Variants in RNF182 observed in about 807,000 individuals in gnomAD.
RNF182 encodes E3 ubiquitin-protein ligase RNF182.
RNF182 carries 15 observed loss-of-function variants against 14.4 expected under a neutral mutation model. That is an observed-to-expected ratio of 1.04 (90% CI 0.70 to 1.60). RNF182 has a LOEUF of 1.60. RNF182 is among the 40% of genes most tolerant of loss of function. The probability of loss-of-function intolerance (pLI) is 0.00; values close to 1 mark genes in which losing one functional copy is unlikely to be tolerated. For missense variants in RNF182, 268 were observed against 294.8 expected (o/e 0.91, Z 0.67); for synonymous variants, 128 against 122.9 (o/e 1.04, Z -0.27).
At chr6:13,925,047 G>T (rs1236719692) in intron 1 of RNF182, 24 bp downstream of exon 1, 2 of 1,008 alleles carry the variant, frequency 2.0e-3, no homozygotes, top group Admixed American at 0.022. Flanking sequence ...GCCCGCGGCC[G>T]GGGAGGGGTC....
At chr6:13,960,126 A>G (rs924333731) in intron 1 of RNF182, among the ~76,000 whole-genome samples, 4 of 152,160 alleles carry the variant, frequency 2.6e-5, no homozygotes, top group Admixed American at 6.5e-5. Context: ...AGTCATTGGG[A>G]AGAAGGTGAA....
intron 1 of RNF182, among the ~76,000 whole-genome samples, chr6:13,968,604 A>C (rs555137715): frequency 7.2e-5 from 11 of 152,340 alleles, no homozygotes; most frequent in Non-Finnish European, 1.3e-4. Flanking sequence ...AAAAGTCTAG[A>C]GACCAATTTA....
At chr6:13,970,188 A>G (rs1183216383) in intron 1 of RNF182, among the ~76,000 whole-genome samples, 2 of 152,206 alleles carry the variant, frequency 1.3e-5, no homozygotes, top group Non-Finnish European at 2.9e-5. Context: ...AAATATACAC[A>G]TTATTGTTGC....
chr6:13,926,046 G>C (rs985624829), intron 1 of RNF182, among the ~76,000 whole-genome samples: 1 of 151,956 alleles, frequency 6.6e-6, no homozygotes, highest in Non-Finnish European at 1.5e-5. Context: ...AAATACAGTT[G>C]ATCAATTCAG....
intron 1 of RNF182, among the ~76,000 whole-genome samples, chr6:13,957,275 A>G (rs1157868652): frequency 1.3e-5 from 2 of 152,238 alleles, no homozygotes; most frequent in African/African-American, 4.8e-5. Context: ...ACAATGCCAC[A>G]TTATGTGGCT....
chr6:13,940,949 C>CT (rs977210976), intron 1 of RNF182, among the ~76,000 whole-genome samples: 47 of 151,090 alleles, frequency 3.1e-4, no homozygotes, highest in East Asian at 3.9e-4. Flanking sequence ...ACATTTTAGT[C>CT]TTTTTTTTTG....
At chr6:13,964,924 G>T (rs1199199281) in intron 1 of RNF182, among the ~76,000 whole-genome samples, 1 of 152,188 alleles carries the variant, frequency 6.6e-6, no homozygotes, top group Non-Finnish European at 1.5e-5. Flanking sequence ...CACAGGAGAA[G>T]AGACCATTGT....
intron 1 of RNF182, among the ~76,000 whole-genome samples, chr6:13,947,022 C>G (rs753289826): frequency 6.6e-6 from 1 of 150,880 alleles, no homozygotes; most frequent in South Asian, 2.1e-4. Flanking sequence ...GCAATATATT[C>G]TACAACTGTA....
chr6:13,950,989 G>T (rs555302647), intron 1 of RNF182, among the ~76,000 whole-genome samples: 1 of 151,866 alleles, frequency 6.6e-6, no homozygotes, highest in African/African-American at 2.4e-5. Context: ...TAGAGACGGG[G>T]TGTCACCATG....
At chr6:13,955,210 C>T (rs1289187404) in intron 1 of RNF182, among the ~76,000 whole-genome samples, 9 of 152,168 alleles carry the variant, frequency 5.9e-5, no homozygotes, top group Admixed American at 5.9e-4. Context: ...CAACTACGTG[C>T]CCATAAAACT....
At chr6:13,934,298 G>A (rs1486984481) in intron 1 of RNF182, among the ~76,000 whole-genome samples, 1 of 152,124 alleles carries the variant, frequency 6.6e-6, no homozygotes, top group Non-Finnish European at 1.5e-5. Context: ...CTGTTGTTAT[G>A]ATGACTATAC....
chr6:13,967,813 T>A (rs1400603370), intron 1 of RNF182, among the ~76,000 whole-genome samples: 1 of 152,120 alleles, frequency 6.6e-6, no homozygotes, highest in Non-Finnish European at 1.5e-5. Context: ...AGTGATTCTC[T>A]ACCCTCAGCC....
chr6:13,960,876 T>C (rs1388093661), intron 1 of RNF182, among the ~76,000 whole-genome samples: 2 of 152,138 alleles, frequency 1.3e-5, no homozygotes, highest in Non-Finnish European at 2.9e-5. Flanking sequence ...AGGGAAATTA[T>C]GAAGGAAGAA....
chr6:13,924,718 C>T (rs1025165486), upstream of RNF182: 1 of 151,986 alleles, frequency 6.6e-6, no homozygotes, highest in Non-Finnish European at 1.5e-5. Context: ...TAGCCTTCCC[C>T]TCTCGCTGGG....
At chr6:13,942,659 A>AG (rs1759327892) in intron 1 of RNF182, among the ~76,000 whole-genome samples, 1 of 152,178 alleles carries the variant, frequency 6.6e-6, no homozygotes, top group Admixed American at 6.5e-5. Context: ...GAATATTCTC[A>AG]GCAGCTATCT....
intron 1 of RNF182, among the ~76,000 whole-genome samples, chr6:13,951,126 A>G (rs1032976975): frequency 2.0e-5 from 3 of 152,142 alleles, no homozygotes; most frequent in Non-Finnish European, 4.4e-5. Context: ...AGTTAACCAG[A>G]GCTCTTTCAT....
intron 1 of RNF182, among the ~76,000 whole-genome samples, chr6:13,970,055 G>A (rs1307114184): frequency 1.3e-5 from 2 of 152,010 alleles, no homozygotes; most frequent in East Asian, 3.9e-4. Flanking sequence ...CATATTTATG[G>A]GGTACATGTG....
At chr6:13,940,032 A>G (rs1278371841) in intron 1 of RNF182, among the ~76,000 whole-genome samples, 1 of 152,094 alleles carries the variant, frequency 6.6e-6, no homozygotes. Flanking sequence ...TCATTGCTCT[A>G]TCTAGGACCT....
At chr6:13,926,792 T>A (rs1159461971) in intron 1 of RNF182, among the ~76,000 whole-genome samples, 1 of 83,602 alleles carries the variant, frequency 1.2e-5, no homozygotes, top group African/African-American at 6.6e-5. Context: ...TGTGTGTGTG[T>A]TTTTTTTTTT....
Sources: gnomAD v4.1 joint callset for allele counts (sites outside exome capture counted in the v4.1 genomes callset) on GRCh38, gnomAD v4.1.1 for gene constraint, MANE v1.5 for transcripts, NCBI Gene and HGNC (gene_info 2026-07-23, HGNC 2026-07-21) for gene names.